The following EYA4 variants were observed in gnomAD, a reference collection of about 807,000 sequenced individuals.
The protein encoded by EYA4 is protein phosphatase EYA4.
EYA4 carries 31 observed loss-of-function variants against 87.9 expected under a neutral mutation model. The ratio of observed to expected loss-of-function variants is 0.35; its 90% CI spans 0.27 to 0.48. EYA4 has a LOEUF of 0.48. Among genes scored for constraint, EYA4 ranks in the 20% least tolerant of loss-of-function variants. The probability of loss-of-function intolerance (pLI) is 0.99; values close to 1 mark genes in which losing one functional copy is unlikely to be tolerated. For synonymous variants in EYA4, 263 were observed against 270.6 expected, an observed-to-expected ratio of 0.97 and a Z score of 0.28; for missense variants, 678 against 761.4, an observed-to-expected ratio of 0.89 and a Z score of 1.29.
intron 3 of EYA4, among the ~76,000 whole-genome samples, chr6:133,418,815 T>A (rs1320926598): frequency 6.6e-6 from 1 of 151,708 alleles, no homozygotes; most frequent in African/African-American, 2.4e-5. Context: ...ATACTGTATA[T>A]TTCTTTTTTT....
At chr6:133,274,841 A>G (rs761069787) in intron 2 of EYA4, 28 bp downstream of exon 2, 8 of 1,603,144 alleles carry the variant, frequency 5.0e-6, no homozygotes, top group Non-Finnish European at 8.5e-7. Flanking sequence ...GTTTTGCTGA[A>G]AAAAGTTGCG....
intron 1 of EYA4, among the ~76,000 whole-genome samples, chr6:133,249,399 C>T (rs999703445): frequency 9.2e-5 from 14 of 152,212 alleles, no homozygotes; most frequent in Admixed American, 3.9e-4. Flanking sequence ...CACTCTCTCA[C>T]GTCCCTAAGA....
Position 133,394,282 on chromosome 6 carries a change from GTGTTTTTTTTTTTTTTTTT to G in EYA4, c.83+11843_83+11861del, listed in dbSNP as rs1352274771. Among the ~76,000 whole-genome samples the G allele has an allele frequency of 2.0e-4, 22 of 107,818 alleles. 1 individual carries two copies. Among genetic ancestry groups the G allele is most frequent in the Middle Eastern group, 9.9e-3 (2 of 202 alleles). The allele number at this position is 107,818 out of a possible 152,430, so 70.7% of individuals were successfully genotyped here. The stretch of plus-strand genomic sequence containing the variant: ...GTTGGAAAAATGTATATATAAGCTT[GTGTTTTTTTTTTTTTTTTT>G]TTTTTTTTTTTTTTTTTGGTCATCG... On this transcript the variant is annotated intron_variant, in intron 3 of 19. Coordinates refer to ENST00000355286, the MANE Select transcript of EYA4 (RefSeq NM_004100.5).
chr6:133,435,316 T>G (rs1424959411), intron 3 of EYA4: 1 of 152,322 alleles, frequency 6.6e-6, no homozygotes, highest in African/African-American at 2.4e-5. Context: ...CTGCAAGCAC[T>G]CATGCTGGCC....
At position 133,531,460 on chromosome 6, in the gene EYA4, G is replaced by A. The variant is rs1801006286; in HGVS notation, c.*2655G>A. 2.0e-6 allele frequency: 1 copy of A among 495,902 alleles called. No homozygotes were observed. The allele number at this position is 495,902 out of a possible 1,614,324, so 30.7% of individuals were successfully genotyped here. A position where few individuals can be genotyped will look rare whatever the true frequency, so the allele number is the denominator to read the frequency against. On this transcript the variant is annotated 3_prime_UTR_variant, in exon 20 of 20. Coordinates refer to ENST00000355286, the MANE Select transcript of EYA4 (RefSeq NM_004100.5). ...ACCTCCTATTGACATATGGAATATTGTGCCTTATTGTAAACCAGTTTGAAA... is the reference window on the plus strand; with the variant it reads ...ACCTCCTATTGACATATGGAATATTATGCCTTATTGTAAACCAGTTTGAAA...
Position 133,369,606 on chromosome 6 carries a change from A to G in EYA4, c.34-12786A>G, listed in dbSNP as rs117446248. ...AGTAATAATGAAAGTGAAATCTTAC[A>G]TACCTTGTCTTATCCAAAAAAACGA... On this transcript the variant is annotated intron_variant, in intron 2 of 19. Coordinates refer to ENST00000355286, the MANE Select transcript of EYA4 (RefSeq NM_004100.5). Among the ~76,000 whole-genome samples, 257 of 152,326 alleles carry G rather than the reference A, an allele frequency of 1.7e-3. 1 individual carries two copies. The highest frequency in any genetic ancestry group is 3.0e-3 in the Non-Finnish European group (205 of 68,030).
At chr6:133,501,299 A>G (rs1057501175) in intron 13 of EYA4, among the ~76,000 whole-genome samples, 8 of 151,978 alleles carry the variant, frequency 5.3e-5, no homozygotes, top group Non-Finnish European at 8.8e-5. Context: ...TTGTCTGTTT[A>G]TCAGATATCT....
At position 133,372,782 on chromosome 6, in the gene EYA4, A is replaced by G. The variant is rs1785372737; in HGVS notation, c.34-9610A>G. Among the ~76,000 whole-genome samples, 3 of 151,702 alleles carry G rather than the reference A, an allele frequency of 2.0e-5. No individual in the cohort carries two copies. The South Asian group carries it at 6.2e-4, about 31-fold the overall frequency. ...ATTTTATATAAATTAATCTACAGAT[A>G]TATAGAGATATATGTTGTTAAATTT... is the stretch of plus-strand genomic sequence containing the variant. On this transcript the variant is annotated intron_variant, in intron 2 of 19. Coordinates refer to ENST00000355286, the MANE Select transcript of EYA4 (RefSeq NM_004100.5).
chr6:133,272,454 T>C (rs975217736), intron 1 of EYA4, among the ~76,000 whole-genome samples: 2 of 152,188 alleles, frequency 1.3e-5, no homozygotes, highest in Non-Finnish European at 2.9e-5. Context: ...ACGACCTTCT[T>C]TATGGCCAGA....
chr6:133,302,194 G>A (rs1429673640), intron 2 of EYA4, among the ~76,000 whole-genome samples: 1 of 152,106 alleles, frequency 6.6e-6, no homozygotes, highest in African/African-American at 2.4e-5. Flanking sequence ...AATAGGGTGG[G>A]ATTTCCTTAT....
chr6:133,427,888 T>A lies in EYA4; in HGVS notation c.84-18742T>A, dbSNP rs148760870. 6.5e-3 allele frequency among the ~76,000 whole-genome samples: 804 copies of A among 122,956 alleles called. 6 individuals carry two copies. Among genetic ancestry groups the A allele is most frequent in the African/African-American group, 0.025 (713 of 28,768 alleles). The allele number at this position is 122,956 out of a possible 152,430, so 80.7% of individuals were successfully genotyped here. A position where few individuals can be genotyped will look rare whatever the true frequency, so the allele number is the denominator to read the frequency against. ...AATAACTAAGATTCTGTTATAAGTA[T>A]AGCCTGCTGGAAAAAATTTAGATGA... On this transcript the variant is annotated intron_variant, in intron 3 of 19. Coordinates refer to ENST00000355286, the MANE Select transcript of EYA4 (RefSeq NM_004100.5).
rs908552217 is a variant in EYA4, at chr6:133,529,082, A to G, written c.*277A>G. On this transcript the variant is annotated 3_prime_UTR_variant, in exon 20 of 20. Coordinates refer to ENST00000355286, the MANE Select transcript of EYA4 (RefSeq NM_004100.5). ...ACACACCAAATGAGTCCAAACTGGA[A>G]TGAGCAGCTTTAGCAAAGAACTCTT... 2.4e-6 allele frequency: 3 copies of G among 1,225,618 alleles called. No individual in the cohort carries two copies. The African/African-American group carries it at 4.7e-5, about 19-fold the overall frequency. 75.9% of individuals were successfully genotyped at this position (1,225,618 alleles called of 1,614,324 possible).
At chr6:133,406,243 G>A (rs1448646412) in intron 3 of EYA4, among the ~76,000 whole-genome samples, 2 of 152,126 alleles carry the variant, frequency 1.3e-5, no homozygotes, top group East Asian at 1.9e-4. Context: ...AGAAGTTTAC[G>A]AAATAATCAG....
At chr6:133,425,781 ACATGGT>A (rs1022639460) in intron 3 of EYA4, among the ~76,000 whole-genome samples, 6 of 150,536 alleles carry the variant, frequency 4.0e-5, no homozygotes, top group Admixed American at 3.3e-4. Flanking sequence ...TTCAGCCTCC[ACATGGT>A]CATCACACAC....
chr6:133,520,460 A>G (rs1800014604), intron 17 of EYA4, among the ~76,000 whole-genome samples: 1 of 116,336 alleles, frequency 8.6e-6, no homozygotes, highest in African/African-American at 3.0e-5. Context: ...GGAGAACTAC[A>G]AAACACTGCT....
At chr6:133,455,306 A>G (rs1342285128) in intron 5 of EYA4, among the ~76,000 whole-genome samples, 1 of 152,192 alleles carries the variant, frequency 6.6e-6, no homozygotes, top group African/African-American at 2.4e-5. Context: ...CTCTTGAAAG[A>G]TAAGTCAAAC....
At chr6:133,515,907 A>T (rs764005260) in intron 17 of EYA4, among the ~76,000 whole-genome samples, 1 of 152,184 alleles carries the variant, frequency 6.6e-6, no homozygotes, top group African/African-American at 2.4e-5. Context: ...CACATCAGAA[A>T]AGCAGGAGAA....
chr6:133,356,091 C>T (rs527532204), intron 2 of EYA4, among the ~76,000 whole-genome samples: 3 of 151,912 alleles, frequency 2.0e-5, no homozygotes, highest in Non-Finnish European at 2.9e-5. Context: ...AAAGAGTGTG[C>T]TCCTGCTTGC....
chr6:133,406,418 A>G (rs3777827), intron 3 of EYA4, among the ~76,000 whole-genome samples: 11,594 of 152,320 alleles, frequency 0.076, 652 homozygotes, highest in East Asian at 0.22. Context: ...ATCATATGCA[A>G]TGGTGTAAAC....
Sources: allele counts gnomAD v4.1 joint callset (sites outside exome capture counted in the v4.1 genomes callset), GRCh38; gene constraint gnomAD v4.1.1; transcripts MANE v1.5; gene names NCBI Gene and HGNC (gene_info 2026-07-23, HGNC 2026-07-21).